The following MTA1 variants were observed in gnomAD, a reference collection of about 807,000 sequenced individuals.
MTA1 encodes metastasis-associated protein MTA1.
A neutral mutation model predicts 97.0 loss-of-function variants in MTA1; 15 were observed. The ratio of observed to expected loss-of-function variants is 0.15; its 90% confidence interval spans 0.10 to 0.24. The LOEUF (loss-of-function observed/expected upper bound fraction) is 0.24. Among genes scored for constraint, MTA1 ranks in the 10% least tolerant of loss-of-function variants. The pLI is 1.00. For missense variants in MTA1, 709 were observed against 1,015.1 expected, an observed-to-expected ratio of 0.70 and a Z score of 4.10; for synonymous variants, 435 against 417.5, an observed-to-expected ratio of 1.04 and a Z score of -0.51.
chr14:105,470,035 C>G (rs2083770332), intron 20 of MTA1, 30 bp from the exon 21 acceptor site: 1 of 1,612,576 alleles, frequency 6.2e-7, no homozygotes, highest in Non-Finnish European at 8.5e-7. Flanking sequence ...CGCACAGCGT[C>G]CCGGCCCTCA....
rs782223571 is a variant in MTA1 at position 105,469,451 on chromosome 14, C to CTCCA, written c.1814-14_1814-11dup. ...GCTCTCTCGGGGCCTCATTTCTCTC[C>CTCCA]TCCATTTCTCATCAGGTCTGGCAAA... is the stretch of plus-strand genomic sequence containing the variant. On this transcript the variant is annotated splice_polypyrimidine_tract_variant and intron_variant, in intron 18 of 20. Coordinates refer to ENST00000331320, the MANE Select transcript of MTA1 (RefSeq NM_004689.4). 22 of 1,612,712 alleles carry CTCCA rather than the reference C, an allele frequency of 1.4e-5. No individual in the cohort carries two copies. In the Admixed American group the frequency reaches 3.5e-4, roughly 26 times the overall value.
intron 1 of MTA1, 97 bp from the exon 2 acceptor site, chr14:105,438,575 C>T (rs2082400567): frequency 2.9e-6 from 3 of 1,048,756 alleles, no homozygotes; most frequent in Admixed American, 1.7e-5. Context: ...GGGGATGACA[C>T]TGCCCCGCCT....
chr14:105,461,017 G>T lies in MTA1; in HGVS notation c.942+64G>T. 1.2e-5 allele frequency: 18 copies of T among 1,525,528 alleles called. No individual in the cohort carries two copies. The South Asian group carries it at 2.1e-4, about 18-fold the overall frequency. The allele number at this position is 1,525,528 out of a possible 1,614,324, so 94.5% of individuals were successfully genotyped here. On this transcript the variant is annotated intron_variant, in intron 10 of 20. Coordinates refer to ENST00000331320, the MANE Select transcript of MTA1 (RefSeq NM_004689.4). Reference sequence around the variant, plus strand: ...TGCCCATCTCCAGGTAGGCTGCGGGGGTGTGGGCTCCACATCCCACTCTGC... The same window carrying T: ...TGCCCATCTCCAGGTAGGCTGCGGGTGTGTGGGCTCCACATCCCACTCTGC...
At chr14:105,421,480 C>G (rs1413922264) in intron 1 of MTA1, among the ~76,000 whole-genome samples, 1 of 152,216 alleles carries the variant, frequency 6.6e-6, no homozygotes, top group Non-Finnish European at 1.5e-5. Flanking sequence ...GGATTGGTCC[C>G]AAGAAGAGCT....
At chr14:105,445,565 G>A (rs2082688951) in intron 3 of MTA1, 54 bp downstream of exon 3, 1 of 1,584,160 alleles carries the variant, frequency 6.3e-7, no homozygotes, top group African/African-American at 1.3e-5. Flanking sequence ...GGCTGGGGAG[G>A]GCTGGCGGGG....
rs1555434231 is a variant in MTA1, at chr14:105,470,223, C to T, written c.*8C>T. 4.5e-6 allele frequency: 7 copies of T among 1,549,432 alleles called. No individual in the cohort carries two copies. The highest frequency in any genetic ancestry group is 5.2e-6 in the Non-Finnish European group (6 of 1,152,622). On this transcript the variant is annotated 3_prime_UTR_variant, in exon 21 of 21. Coordinates refer to ENST00000331320, the MANE Select transcript of MTA1 (RefSeq NM_004689.4). The stretch of plus-strand genomic sequence containing the variant: ...ATCGTCATCGAGGACTAGGGGCCGC[C>T]CCCACCTGCGGCCGCCCCCCGCCCC...
chr14:105,447,979 C>T (rs1053887064), intron 3 of MTA1, among the ~76,000 whole-genome samples: 2 of 152,180 alleles, frequency 1.3e-5, no homozygotes, highest in African/African-American at 4.8e-5. Flanking sequence ...CCTGCTGGGG[C>T]GTCCAGCCCA....
intron 19 of MTA1, 78 bp from the exon 20 acceptor site, chr14:105,469,763 A>ACCTTGGCTGGTGGCC (rs71129291): frequency 0.98 from 1,491,806 of 1,527,858 alleles, 734,843 homozygotes; most frequent in East Asian, 1. Context: ...CAGGCACAGC[A>ACCTTGGCTGGTGGCC]CCTCCCAGCG....
chr14:105,436,700 C>T (rs1341157639), intron 1 of MTA1, among the ~76,000 whole-genome samples: 6 of 152,164 alleles, frequency 3.9e-5, no homozygotes, highest in African/African-American at 9.7e-5. Flanking sequence ...GCTTGTTTGT[C>T]TTTCCTCACT....
chr14:105,442,376 G>A (rs1242813213), intron 2 of MTA1, among the ~76,000 whole-genome samples: 1 of 152,244 alleles, frequency 6.6e-6, no homozygotes, highest in Non-Finnish European at 1.5e-5. Flanking sequence ...TCCCGCCCAG[G>A]AAGATGCGGC....
intron 7 of MTA1, among the ~76,000 whole-genome samples, chr14:105,455,355 C>T (rs1298124845): frequency 6.6e-6 from 1 of 152,242 alleles, no homozygotes; most frequent in Non-Finnish European, 1.5e-5. Flanking sequence ...TGGCAGCCTC[C>T]TCCCTCCACC....
intron 16 of MTA1, 199 bp from the exon 17 acceptor site, chr14:105,466,227 C>T (rs1439930983): frequency 1.7e-6 from 1 of 602,444 alleles, no homozygotes; most frequent in Non-Finnish European, 2.9e-6. Flanking sequence ...CGGGCACACG[C>T]CTTGCCGAGG....
chr14:105,466,732 G>A lies in MTA1; in HGVS notation c.1803G>A (p.Met601Ile), dbSNP rs781797072. ...VDGNMKKRLL[M>I]PSRGLANHGQ... ...GCAACATGAAGAAGCGCCTCTTGAT[G>A]CCCAGTAGGGGTAAGGCCTGGAGCC... Residue 601 changes from methionine (M) to isoleucine (I), a missense_variant, in exon 18 of 21, where the codon ATG (methionine) becomes ATA (isoleucine). This residue lies in a region of MTA1 where 388 missense variants were observed against 421.6 expected (regional missense o/e 0.92). Coordinates refer to ENST00000331320, the MANE Select transcript of MTA1 (RefSeq NM_004689.4). 2 of 1,593,430 alleles carry A rather than the reference G, an allele frequency of 1.3e-6. No individual in the cohort carries two copies. The highest frequency in any genetic ancestry group is 1.3e-5 in the African/African-American group (1 of 74,640).
intron 1 of MTA1, among the ~76,000 whole-genome samples, chr14:105,425,638 C>T (rs1279634103): frequency 6.6e-6 from 1 of 152,110 alleles, no homozygotes; most frequent in African/African-American, 2.4e-5. Context: ...TCACTGCTTT[C>T]TGGGGCTCTC....
At position 105,463,467 on chromosome 14, in the gene MTA1, C is replaced by T; in HGVS notation, c.1018-26C>T. ...CCCCAACCTGGGCCTAGCCTGCTGA[C>T]CTCTGACCTTCTCTTTTGTTTTAAG... On this transcript the variant is annotated intron_variant, in intron 11 of 20. Transcript: ENST00000331320. The surrounding 1 kb of genome is among the most constrained non-coding windows in gnomAD (Gnocchi z 5.9). 2.5e-6 allele frequency: 4 copies of T among 1,612,828 alleles called. No individual in the cohort carries two copies. Among genetic ancestry groups the T allele is most frequent in the Non-Finnish European group, 1.7e-6 (2 of 1,179,674 alleles).
intron 3 of MTA1, among the ~76,000 whole-genome samples, chr14:105,448,060 T>TC (rs1183179326): frequency 2.6e-5 from 4 of 151,668 alleles, no homozygotes; most frequent in African/African-American, 4.9e-5. Context: ...AGAGAAGCCC[T>TC]CCCCCCGGCA....
chr14:105,442,027 A>G (rs782693834), intron 2 of MTA1, among the ~76,000 whole-genome samples: 2 of 152,356 alleles, frequency 1.3e-5, no homozygotes, highest in African/African-American at 4.8e-5. Flanking sequence ...GGGCAAAAAC[A>G]CAAAGAAACT....
intron 18 of MTA1, chr14:105,468,194 G>C (rs1555433368): frequency 1.3e-6 from 1 of 791,328 alleles, no homozygotes; most frequent in Non-Finnish European, 1.9e-6. Flanking sequence ...CCTGCCCACA[G>C]CACGGGGCCC....
chr14:105,453,903 CT>C (rs1435352563), intron 6 of MTA1, among the ~76,000 whole-genome samples: 1 of 152,262 alleles, frequency 6.6e-6, no homozygotes, highest in Non-Finnish European at 1.5e-5. Context: ...GGCCCCACCC[CT>C]GCAGCTGCTC....
Sources: gnomAD v4.1 joint callset for allele counts (sites outside exome capture counted in the v4.1 genomes callset) on GRCh38, gnomAD v4.1.1 for gene constraint, gnomAD v4.1.1 regional missense constraint, Gnocchi (gnomAD v3.1) non-coding constraint, MANE v1.5 for transcripts, NCBI Gene and HGNC (gene_info 2026-07-23, HGNC 2026-07-21) for gene names.